SUGCT: variants seen among roughly 807,000 people sequenced by gnomAD.
The protein encoded by SUGCT is succinyl-CoA:glutarate CoA-transferase.
SUGCT carries 41 observed loss-of-function variants against 55.0 expected under a neutral mutation model. The ratio of observed to expected loss-of-function variants is 0.74; its 90% CI spans 0.58 to 0.97. The LOEUF is 0.97. Ranked by LOEUF, SUGCT falls within the 50% of genes least tolerant of loss-of-function variation. The pLI, the probability that SUGCT is intolerant of heterozygous loss-of-function variation, is 0.00. For missense variants in SUGCT, 568 were observed against 547.8 expected (o/e 1.04, Z -0.37); for synonymous variants, 187 against 200.4 (o/e 0.93, Z 0.56).
At chr7:40,153,609 C>T in intron 1 of SUGCT, 1 of 519,332 alleles carries the variant, frequency 1.9e-6, no homozygotes, top group Non-Finnish European at 3.9e-6. Context: ...CTGTGGTCTG[C>T]TACCTTATGT....
intron 12 of SUGCT, among the ~76,000 whole-genome samples, chr7:40,543,810 A>G (rs1199265670): frequency 6.6e-6 from 1 of 152,240 alleles, no homozygotes; most frequent in East Asian, 1.9e-4. Context: ...GGGAGTTTGT[A>G]GAGTGTGTTT....
At chr7:40,149,571 C>T (rs1480824267) in intron 1 of SUGCT, among the ~76,000 whole-genome samples, 1 of 152,082 alleles carries the variant, frequency 6.6e-6, no homozygotes, top group Non-Finnish European at 1.5e-5. Flanking sequence ...TCAATTGAGG[C>T]CAGGATTTCG....
chr7:40,594,451 C>G (rs1049404178), intron 12 of SUGCT, among the ~76,000 whole-genome samples: 11 of 151,954 alleles, frequency 7.2e-5, no homozygotes, highest in Non-Finnish European at 7.4e-5. Flanking sequence ...GTTATTATGA[C>G]AGGAACCTCC....
At chr7:40,966,295 C>T in the SUGCT span, 14 of 152,286 alleles carry the variant, frequency 9.2e-5, no homozygotes, top group African/African-American at 3.4e-4. Context: ...GAGAGGGCTC[C>T]TGAGAAGGAT....
chr7:40,562,994 C>A (rs984330473), intron 12 of SUGCT, among the ~76,000 whole-genome samples: 2 of 152,150 alleles, frequency 1.3e-5, no homozygotes, highest in Admixed American at 1.3e-4. Flanking sequence ...CTTAAGACTT[C>A]TACTTTCTGT....
the SUGCT span, among the ~76,000 whole-genome samples, chr7:40,887,902 GA>G: frequency 6.6e-6 from 1 of 152,174 alleles, no homozygotes; most frequent in Admixed American, 6.5e-5. Context: ...GTGGGGGTTG[GA>G]GAGTGCTTTC....
At chr7:40,469,721 GTT>G (rs11369335) in intron 11 of SUGCT, among the ~76,000 whole-genome samples, 1 of 149,690 alleles carries the variant, frequency 6.7e-6, no homozygotes, top group African/African-American at 2.4e-5. Flanking sequence ...TGTCATCTCA[GTT>G]TTTTTTTTCC....
intron 13 of SUGCT, among the ~76,000 whole-genome samples, chr7:40,854,464 CTTTCTT>C (rs1313259164): frequency 2.9e-5 from 4 of 137,650 alleles, no homozygotes; most frequent in Non-Finnish European, 6.3e-5. Flanking sequence ...TTCTTTCTTT[CTTTCTT>C]TCTTTCTCTT....
chr7:40,822,186 A>G (rs1191322614), intron 13 of SUGCT, among the ~76,000 whole-genome samples: 2 of 150,432 alleles, frequency 1.3e-5, no homozygotes. Flanking sequence ...ACTTCCGACT[A>G]TGTGGTCAAT....
chr7:40,942,004 A>T, the SUGCT span, among the ~76,000 whole-genome samples: 1 of 151,972 alleles, frequency 6.6e-6, no homozygotes, highest in Non-Finnish European at 1.5e-5. Flanking sequence ...TTCGTTTGTG[A>T]GTTTTTATCC....
In SUGCT at chr7:40,463,637, C is replaced by T. The variant is rs777266484; in HGVS notation, c.986+4439C>T. 7.9e-5 allele frequency among the ~76,000 whole-genome samples: 12 copies of T among 152,158 alleles called. No individual in the cohort carries two copies. In the East Asian group the frequency reaches 1.3e-3, roughly 17 times the overall value. On this transcript the variant is annotated intron_variant, in intron 11 of 13. Transcript: ENST00000335693. ...TGAGGGCGATCAGCCTCACTCAGGA[C>T]GGCAGCTGCCTGTTTTGGTCATCAG...
chr7:40,635,034 C>T (rs1799958897), intron 12 of SUGCT, among the ~76,000 whole-genome samples: 1 of 152,088 alleles, frequency 6.6e-6, no homozygotes, highest in African/African-American at 2.4e-5. Flanking sequence ...CCCTGCAATC[C>T]CAGCACTTTG....
intron 8 of SUGCT, among the ~76,000 whole-genome samples, chr7:40,279,530 T>C (rs2151014735): frequency 6.6e-6 from 1 of 152,290 alleles, no homozygotes; most frequent in Non-Finnish European, 1.5e-5. Flanking sequence ...CAATGAAGGA[T>C]GTGAAAAATA....
At chr7:40,414,977 G>A (rs796522907) in intron 9 of SUGCT, among the ~76,000 whole-genome samples, 1 of 150,286 alleles carries the variant, frequency 6.7e-6, no homozygotes, top group African/African-American at 2.5e-5. Flanking sequence ...CTCTGGGGGC[G>A]GATGTTGCAC....
chr7:40,210,189 G>C (rs1471845169), intron 6 of SUGCT, among the ~76,000 whole-genome samples: 9 of 151,968 alleles, frequency 5.9e-5, no homozygotes, highest in Non-Finnish European at 1.5e-5. Flanking sequence ...GGGATTACAG[G>C]CATGTGCCAC....
chr7:40,164,125 CTTTT>C (rs1050536681), intron 1 of SUGCT, among the ~76,000 whole-genome samples: 1 of 146,278 alleles, frequency 6.8e-6, no homozygotes, highest in Non-Finnish European at 1.5e-5. Flanking sequence ...TGACCCTTGA[CTTTT>C]TTTTTTTTTT....
intron 11 of SUGCT, among the ~76,000 whole-genome samples, chr7:40,478,450 G>A (rs1790836037): frequency 6.6e-6 from 1 of 152,270 alleles, no homozygotes; most frequent in Non-Finnish European, 1.5e-5. Context: ...ATGAAACTAA[G>A]GCTTAAAGAC....
At chr7:40,859,569 CAT>C (rs1294259513) in intron 13 of SUGCT, among the ~76,000 whole-genome samples, 2 of 152,198 alleles carry the variant, frequency 1.3e-5, no homozygotes, top group Non-Finnish European at 2.9e-5. Context: ...CTTTTGTAAT[CAT>C]AGTAACCAAC....
intron 3 of SUGCT, among the ~76,000 whole-genome samples, chr7:40,184,373 G>A (rs1288222611): frequency 1.3e-5 from 2 of 151,858 alleles, no homozygotes; most frequent in South Asian, 2.1e-4. Context: ...TTGACCTCCC[G>A]GGCTCAAGCA....
Sources: allele counts gnomAD v4.1 joint callset (sites outside exome capture counted in the v4.1 genomes callset), GRCh38; gene constraint gnomAD v4.1.1; transcripts MANE v1.5; gene names NCBI Gene and HGNC (gene_info 2026-07-23, HGNC 2026-07-21).